Variants in BMPER observed in about 807,000 individuals in gnomAD.
BMPER encodes the protein BMP-binding endothelial regulator protein.
BMPER carries 45 observed loss-of-function variants against 87.3 expected under a neutral mutation model. The ratio of observed to expected loss-of-function variants is 0.52; its 90% confidence interval spans 0.41 to 0.66. BMPER has a LOEUF of 0.66. BMPER is among the 30% of genes least tolerant of loss of function. The pLI, the probability that BMPER is intolerant of heterozygous loss-of-function variation, is 0.00. For synonymous variants in BMPER, 326 were observed against 316.2 expected, an observed-to-expected ratio of 1.03 and a Z score of -0.33; for missense variants, 784 against 867.5, an observed-to-expected ratio of 0.90 and a Z score of 1.21.
chr7:34,024,244 GCTA>G (rs1787278057), intron 6 of BMPER, among the ~76,000 whole-genome samples: 1 of 148,232 alleles, frequency 6.7e-6, no homozygotes, highest in Non-Finnish European at 1.5e-5. Flanking sequence ...TGTAATCCCA[GCTA>G]CTGGGGAGGC....
intron 13 of BMPER, among the ~76,000 whole-genome samples, chr7:34,104,399 A>T (rs192656454): frequency 5.3e-5 from 8 of 152,322 alleles, no homozygotes; most frequent in Non-Finnish European, 1.2e-4. Context: ...AGGAAGTCAG[A>T]GGGGATGATC....
At position 33,935,275 on chromosome 7, in the gene BMPER, G is replaced by A. The variant is rs549859571; in HGVS notation, c.220-2014G>A. Among the ~76,000 whole-genome samples, 4 of 152,260 alleles carry A rather than the reference G, an allele frequency of 2.6e-5. No individual in the cohort carries two copies. In the South Asian group the frequency reaches 6.2e-4, roughly 24 times the overall value. Reference sequence around the variant, plus strand: ...TAGGTCTGCTGTTCACAAAGGGACTGTGGACAGCTCCTTATCCCAGCTCAG... The same window carrying A: ...TAGGTCTGCTGTTCACAAAGGGACTATGGACAGCTCCTTATCCCAGCTCAG... On this transcript the variant is annotated intron_variant, in intron 2 of 14. Coordinates refer to ENST00000649409, the MANE Select transcript of BMPER (RefSeq NM_001365308.1).
rs1471445666 is a variant in BMPER, at chr7:33,966,357, G to C, written c.320-122G>C. On this transcript the variant is annotated intron_variant, in intron 3 of 14. Transcript: ENST00000649409. ...TGTTTTGGGGAAAAATAGCCAAAGA[G>C]CATGGTGGTTCCTTTGATCGCTAAT... is the stretch of plus-strand genomic sequence containing the variant. 1.1e-5 allele frequency: 9 copies of C among 809,684 alleles called. No homozygotes were observed. In the Admixed American group the frequency reaches 1.2e-4, roughly 11 times the overall value. 50.2% of individuals were successfully genotyped at this position (809,684 alleles called of 1,614,324 possible).
At chr7:33,984,489 G>A (rs898483479) in intron 6 of BMPER, among the ~76,000 whole-genome samples, 62 of 151,958 alleles carry the variant, frequency 4.1e-4, no homozygotes, top group African/African-American at 1.5e-3. Flanking sequence ...CTTATCCAGT[G>A]GGCTTATCTC....
chr7:34,102,749 A>G (rs1452076683), intron 13 of BMPER, among the ~76,000 whole-genome samples: 2 of 152,194 alleles, frequency 1.3e-5, no homozygotes, highest in Non-Finnish European at 2.9e-5. Context: ...CAGGGGACAC[A>G]TTATGATCAG....
At chr7:34,119,014 T>TCTCTCACACACACACA (rs66493349) in intron 13 of BMPER, among the ~76,000 whole-genome samples, 20 of 135,794 alleles carry the variant, frequency 1.5e-4, no homozygotes, top group South Asian at 7.8e-4. Flanking sequence ...TCTCTCTCTC[T>TCTCTCACACACACACA]CACACACACA....
intron 6 of BMPER, among the ~76,000 whole-genome samples, chr7:34,003,171 A>G (rs144947865): frequency 1.2e-4 from 18 of 151,906 alleles, no homozygotes; most frequent in African/African-American, 4.1e-4. Flanking sequence ...TTTCTAGTAT[A>G]AATGTGTGTA....
chr7:33,991,021 T>G (rs1371238225), intron 6 of BMPER, among the ~76,000 whole-genome samples: 1 of 143,832 alleles, frequency 7.0e-6, no homozygotes, highest in Non-Finnish European at 1.5e-5. Context: ...GGTTTGCCAG[T>G]ATTTTATTGA....
chr7:34,038,713 GC>G (rs1287750872), intron 6 of BMPER, among the ~76,000 whole-genome samples: 1 of 152,118 alleles, frequency 6.6e-6, no homozygotes, highest in Non-Finnish European at 1.5e-5. Flanking sequence ...GTTTTTGTCA[GC>G]CCCATAGACC....
intron 3 of BMPER, among the ~76,000 whole-genome samples, chr7:33,962,826 A>C (rs78825356): frequency 1.3e-5 from 2 of 152,224 alleles, no homozygotes; most frequent in Middle Eastern, 3.4e-3. Context: ...GAAAAAAAAA[A>C]GCTGCTTTAC....
chr7:34,078,980 T>C lies in BMPER; in HGVS notation c.1202T>C (p.Phe401Ser), dbSNP rs775555876. ...GACTGCTCCTCCCCTGCCTCGCCCTTCCAGGTGCTGGTGAAGAACGACGCC... is the reference window on the plus strand; with the variant it reads ...GACTGCTCCTCCCCTGCCTCGCCCTCCCAGGTGCTGGTGAAGAACGACGCC... Reference protein sequence around the residue: ...TKDCSSPASPFQVLVKNDARR... With the variant: ...TKDCSSPASPSQVLVKNDARR... The change falls in exon 12 of 15, where the codon TTC (phenylalanine) becomes TCC (serine). Residue 401 changes from phenylalanine (F) to serine (S), a missense_variant. Coordinates refer to ENST00000649409, the MANE Select transcript of BMPER (RefSeq NM_001365308.1). The C allele has an allele frequency of 6.2e-6, 10 of 1,614,170 alleles. No individual in the cohort carries two copies. In the Admixed American group the frequency reaches 1.5e-4, roughly 24 times the overall value.
chr7:34,081,323 T>G (rs1789041667), intron 12 of BMPER, among the ~76,000 whole-genome samples: 1 of 152,220 alleles, frequency 6.6e-6, no homozygotes, highest in African/African-American at 2.4e-5. Flanking sequence ...AAAAAAAAAT[T>G]TATAAGCTCA....
At chr7:34,057,578 C>T (rs182347200) in intron 9 of BMPER, among the ~76,000 whole-genome samples, 153 of 152,264 alleles carry the variant, frequency 1.0e-3, no homozygotes, top group Middle Eastern at 3.4e-3. Context: ...TATGCATGTC[C>T]TGTATGGGCC....
intron 13 of BMPER, among the ~76,000 whole-genome samples, chr7:34,139,423 T>G (rs939511321): frequency 6.6e-6 from 1 of 152,248 alleles, no homozygotes; most frequent in Admixed American, 6.5e-5. Flanking sequence ...AATATTAATA[T>G]CTTTCATGAT....
At chr7:34,094,682 C>A (rs1460896409) in intron 13 of BMPER, among the ~76,000 whole-genome samples, 1 of 152,220 alleles carries the variant, frequency 6.6e-6, no homozygotes, top group Admixed American at 6.5e-5. Flanking sequence ...CGAGCTCACC[C>A]ACTGAAGCCC....
chr7:33,941,425 A>G (rs1316953627), intron 3 of BMPER, among the ~76,000 whole-genome samples: 1 of 151,670 alleles, frequency 6.6e-6, no homozygotes, highest in African/African-American at 2.4e-5. Context: ...GGATGATTCA[A>G]ACGTATTACA....
At chr7:34,019,947 AG>A (rs1228927052) in intron 6 of BMPER, among the ~76,000 whole-genome samples, 4 of 147,094 alleles carry the variant, frequency 2.7e-5, no homozygotes, top group African/African-American at 1.0e-4. Context: ...TTTTTTTAGA[AG>A]GTTTTTTTTT....
At chr7:34,063,005 A>G (rs1027055443) in intron 11 of BMPER, among the ~76,000 whole-genome samples, 2 of 152,238 alleles carry the variant, frequency 1.3e-5, no homozygotes, top group African/African-American at 4.8e-5. Context: ...CAATAGCTTC[A>G]TATCATTCCC....
At chr7:34,088,872 T>C (rs1244906226) in intron 13 of BMPER, among the ~76,000 whole-genome samples, 1 of 152,230 alleles carries the variant, frequency 6.6e-6, no homozygotes, top group Admixed American at 6.5e-5. Context: ...CTGATGCATC[T>C]GTGGAACAAT....
Sources: allele counts gnomAD v4.1 joint callset (sites outside exome capture counted in the v4.1 genomes callset), GRCh38; gene constraint gnomAD v4.1.1; transcripts MANE v1.5; gene names NCBI Gene and HGNC (gene_info 2026-07-23, HGNC 2026-07-21).